Variants in CRYBG1 observed in about 807,000 individuals in gnomAD.
CRYBG1 encodes crystallin beta-gamma domain containing 1.
In CRYBG1, 139 loss-of-function variants were observed where a neutral mutation model predicts 189.2. That is an observed-to-expected ratio of 0.73 (90% CI 0.64 to 0.85). CRYBG1 has a LOEUF of 0.85. Among genes scored for constraint, CRYBG1 ranks in the 40% least tolerant of loss-of-function variants. The pLI is 0.00. For synonymous variants in CRYBG1, 1,023 were observed against 1,017.1 expected, an observed-to-expected ratio of 1.01 and a Z score of -0.11; for missense variants, 2,611 against 2,675.8, an observed-to-expected ratio of 0.98 and a Z score of 0.53.
intron 9 of CRYBG1, among the ~76,000 whole-genome samples, chr6:106,540,052 C>T (rs1774096414): frequency 2.0e-5 from 3 of 151,698 alleles, no homozygotes; most frequent in African/African-American, 4.8e-5. Context: ...GCTCGGCTGC[C>T]GTGACACGAG....
chr6:106,537,489 T>C (rs923145461), intron 8 of CRYBG1, among the ~76,000 whole-genome samples: 22 of 152,308 alleles, frequency 1.4e-4, no homozygotes, highest in African/African-American at 5.3e-4. Context: ...CATAAGGAAG[T>C]GTAAAGTACC....
At chr6:106,368,353 C>T (rs1769941749) in intron 1 of CRYBG1, among the ~76,000 whole-genome samples, 1 of 152,078 alleles carries the variant, frequency 6.6e-6, no homozygotes, top group South Asian at 2.1e-4. Context: ...AATGTCCATG[C>T]AGAAGAAAAG....
intron 1 of CRYBG1, among the ~76,000 whole-genome samples, chr6:106,377,640 TATATA>T (rs1562290471): frequency 0.014 from 2,092 of 148,414 alleles, 52 homozygotes; most frequent in South Asian, 0.041. Flanking sequence ...TATATATATA[TATATA>T]TATTTTCATT....
intron 1 of CRYBG1, among the ~76,000 whole-genome samples, chr6:106,366,344 T>C (rs1198527109): frequency 1.3e-5 from 2 of 152,196 alleles, no homozygotes; most frequent in Non-Finnish European, 2.9e-5. Flanking sequence ...AATTTTTAGG[T>C]TTATTTTATT....
At chr6:106,364,107 C>A (rs1239134060) in intron 1 of CRYBG1, among the ~76,000 whole-genome samples, 1 of 151,282 alleles carries the variant, frequency 6.6e-6, no homozygotes, top group African/African-American at 2.4e-5. Flanking sequence ...GGTGGATCAC[C>A]TGAGGTCAGG....
intron 17 of CRYBG1, among the ~76,000 whole-genome samples, chr6:106,557,837 G>T (rs1408679463): frequency 6.6e-6 from 1 of 152,202 alleles, no homozygotes; most frequent in African/African-American, 2.4e-5. Flanking sequence ...GGCATAAGCT[G>T]CCAACTTTTC....
intron 1 of CRYBG1, among the ~76,000 whole-genome samples, chr6:106,368,528 A>G (rs1329171621): frequency 1.3e-5 from 2 of 152,176 alleles, no homozygotes; most frequent in Non-Finnish European, 2.9e-5. Flanking sequence ...AAGAATGACC[A>G]GCGAATTGCT....
chr6:106,464,112 G>A (rs931241596), intron 2 of CRYBG1, among the ~76,000 whole-genome samples: 7 of 152,172 alleles, frequency 4.6e-5, no homozygotes, highest in African/African-American at 7.2e-5. Context: ...CAACCAGCAA[G>A]AGCAGCTGCA....
At chr6:106,488,068 A>G (rs1772630668) in intron 2 of CRYBG1, among the ~76,000 whole-genome samples, 2 of 152,186 alleles carry the variant, frequency 1.3e-5, no homozygotes, top group Non-Finnish European at 2.9e-5. Flanking sequence ...AAGATTCTTC[A>G]GCTGTGATCC....
chr6:106,445,358 C>T (rs1407998485), intron 1 of CRYBG1, among the ~76,000 whole-genome samples: 1 of 152,202 alleles, frequency 6.6e-6, no homozygotes, highest in Non-Finnish European at 1.5e-5. Context: ...CTGTCATTAG[C>T]CGTGTGACTT....
intron 1 of CRYBG1, among the ~76,000 whole-genome samples, chr6:106,416,098 C>T (rs903041767): frequency 2.0e-5 from 3 of 152,188 alleles, no homozygotes; most frequent in Non-Finnish European, 4.4e-5. Flanking sequence ...TCTGCTGCCC[C>T]CTTTCTTGGC....
chr6:106,542,967 A>C lies in CRYBG1; in HGVS notation c.4882-473A>C, dbSNP rs570538677. 5.5e-5 allele frequency among the ~76,000 whole-genome samples: 8 copies of C among 145,024 alleles called. No individual in the cohort carries two copies. The South Asian group carries it at 1.8e-3, about 32-fold the overall frequency. ...CCTGGCCTAGTTAATTTTTTAAAAT[A>C]TGATTAGAACATTTTATTTTATTTT... On this transcript the variant is annotated intron_variant, in intron 10 of 21. Coordinates refer to ENST00000633556, the MANE Select transcript of CRYBG1 (RefSeq NM_001371242.2).
Position 106,520,054 on chromosome 6 carries a change from G to A in CRYBG1, c.2846G>A (p.Cys949Tyr). ...AGTCCAGAAGCTGTGGGAAGTGAGT[G>A]TCCATCCAGAGTCCTCGTCCAGGTC... ...ERSPEAVGSE[C>Y]PSRVLVQVRS... The change falls in exon 4 of 22, where the codon TGT becomes TAT. Residue 949 changes from cysteine to tyrosine, a missense_variant. Cys to Tyr is a radical substitution (Grantham distance 194). Transcript: ENST00000633556. 1 of 1,614,158 alleles carries A rather than the reference G, an allele frequency of 6.2e-7. No homozygotes were observed.
At chr6:106,545,071 G>C (rs1204183743) in intron 13 of CRYBG1, 138 bp downstream of exon 13, 5 of 694,710 alleles carry the variant, frequency 7.2e-6, no homozygotes, top group Non-Finnish European at 9.1e-6. Flanking sequence ...TCATTTAATA[G>C]TTGCTGTCAT....
intron 1 of CRYBG1, among the ~76,000 whole-genome samples, chr6:106,448,372 G>A (rs1034246575): frequency 2.6e-5 from 4 of 152,104 alleles, no homozygotes; most frequent in Non-Finnish European, 4.4e-5. Flanking sequence ...AGCAAGGGCC[G>A]TCCCTGGAAC....
intron 1 of CRYBG1, among the ~76,000 whole-genome samples, chr6:106,387,131 A>G (rs956884943): frequency 6.6e-6 from 1 of 152,268 alleles, no homozygotes; most frequent in Non-Finnish European, 1.5e-5. Context: ...ACCCAAGTTA[A>G]TAAGGAATAA....
At chr6:106,564,401 T>TA (rs1251391585) in intron 21 of CRYBG1, among the ~76,000 whole-genome samples, 1 of 152,258 alleles carries the variant, frequency 6.6e-6, no homozygotes, top group Non-Finnish European at 1.5e-5. Context: ...TGAAAAGATC[T>TA]AAGATCTCAA....
intron 1 of CRYBG1, among the ~76,000 whole-genome samples, chr6:106,368,713 G>A (rs2787519): frequency 0.56 from 84,501 of 151,886 alleles, 24,743 homozygotes; most frequent in East Asian, 0.72. Context: ...GGATTGTTCC[G>A]TTCAGTGGAA....
chr6:106,387,684 A>G (rs1335129753), intron 1 of CRYBG1, among the ~76,000 whole-genome samples: 2 of 152,148 alleles, frequency 1.3e-5, no homozygotes, highest in Non-Finnish European at 2.9e-5. Context: ...AATTGGGTTG[A>G]GTGAGGGTAG....
Sources: allele counts gnomAD v4.1 joint callset (sites outside exome capture counted in the v4.1 genomes callset), GRCh38; gene constraint gnomAD v4.1.1; transcripts MANE v1.5; gene names NCBI Gene and HGNC (gene_info 2026-07-23, HGNC 2026-07-21).